CDK17: variants seen among roughly 807,000 people sequenced by gnomAD.
CDK17 encodes cyclin-dependent kinase 17.
A neutral mutation model predicts 77.6 loss-of-function variants in CDK17; 24 were observed. The ratio of observed to expected loss-of-function variants is 0.31; its 90% CI spans 0.22 to 0.44. The LOEUF (loss-of-function observed/expected upper bound fraction) is 0.44. Ranked by LOEUF, CDK17 falls within the 20% of genes least tolerant of loss-of-function variation. The pLI is 1.00. For missense variants in CDK17, 429 were observed against 622.5 expected (o/e 0.69, Z 3.31); for synonymous variants, 203 against 210.4 (o/e 0.96, Z 0.30).
intron 1 of CDK17, among the ~76,000 whole-genome samples, chr12:96,380,535 C>T (rs1261773640): frequency 6.6e-6 from 1 of 151,984 alleles, no homozygotes; most frequent in Admixed American, 6.6e-5. Flanking sequence ...GTGATCCACC[C>T]GCCTCAGCCT....
intron 3 of CDK17, among the ~76,000 whole-genome samples, chr12:96,315,388 T>C (rs1952697165): frequency 1.3e-5 from 2 of 152,184 alleles, no homozygotes; most frequent in African/African-American, 4.8e-5. Flanking sequence ...AATAGCTCAA[T>C]ATGTAATCTA....
chr12:96,368,107 A>C (rs576998389), intron 1 of CDK17, among the ~76,000 whole-genome samples: 18 of 151,520 alleles, frequency 1.2e-4, no homozygotes, highest in Non-Finnish European at 1.9e-4. Flanking sequence ...TTCAATAGGA[A>C]AAAAAAAAGA....
Position 96,297,282 on chromosome 12 carries a change from C to G in CDK17, c.861G>C (p.Met287Ile), listed in dbSNP as rs1373727274. The G allele has an allele frequency of 6.2e-7, 1 of 1,608,678 alleles. No individual in the cohort carries two copies. Among genetic ancestry groups the G allele is most frequent in the Admixed American group, 1.7e-5 (1 of 59,772 alleles). The change falls in exon 9 of 17, where the codon ATG (methionine) becomes ATC (isoleucine). Residue 287 changes from methionine (M) to isoleucine (I), a missense_variant. Physicochemically the swap from Met to Ile is conservative, Grantham distance 10. Around this residue, in one of 4 missense-constraint regions of CDK17, gnomAD observed 262 missense variants for 385.4 expected, o/e 0.68. Transcript: ENST00000261211. ...CAAGAAAACATACCTTTACGTTGTG[C>G]ATACTCATGATGTTTCCACAGTCAT... ...YMDDCGNIMS[M>I]HNVKLFLYQI...
At chr12:96,309,741 C>A (rs1952622479) in intron 5 of CDK17, among the ~76,000 whole-genome samples, 1 of 152,134 alleles carries the variant, frequency 6.6e-6, no homozygotes, top group African/African-American at 2.4e-5. Flanking sequence ...AATAAACACA[C>A]AGAAAGGTGT....
intron 1 of CDK17, among the ~76,000 whole-genome samples, chr12:96,380,395 C>G (rs1953861028): frequency 6.6e-6 from 1 of 151,660 alleles, no homozygotes; most frequent in African/African-American, 2.4e-5. Context: ...AATTCTCTGC[C>G]TCAGCCTCCC....
intron 1 of CDK17, among the ~76,000 whole-genome samples, chr12:96,347,124 C>T (rs149228175): frequency 1.2e-3 from 176 of 152,168 alleles, no homozygotes; most frequent in African/African-American, 4.1e-3. Flanking sequence ...CAATTATAAA[C>T]GTTTACACAC....
chr12:96,392,295 G>C (rs897854174), intron 1 of CDK17, among the ~76,000 whole-genome samples: 1 of 152,146 alleles, frequency 6.6e-6, no homozygotes, highest in Non-Finnish European at 1.5e-5. Context: ...CTTCATCTTT[G>C]TATCCTAGCC....
chr12:96,362,723 C>T (rs1442214784), intron 1 of CDK17, among the ~76,000 whole-genome samples: 1 of 152,024 alleles, frequency 6.6e-6, no homozygotes, highest in African/African-American at 2.4e-5. Context: ...TATCTTTGGC[C>T]CTTGGCTCTA....
chr12:96,365,694 A>G (rs943843747), intron 1 of CDK17, among the ~76,000 whole-genome samples: 1 of 152,204 alleles, frequency 6.6e-6, no homozygotes, highest in Non-Finnish European at 1.5e-5. Context: ...TGTTTGACAA[A>G]TTATTTCCTA....
At position 96,354,367 on chromosome 12, in the gene CDK17, G is replaced by A. The variant is rs990067637; in HGVS notation, c.-29-19502C>T. 3.9e-5 allele frequency among the ~76,000 whole-genome samples: 6 copies of A among 152,186 alleles called. No homozygotes were observed. In the East Asian group the frequency reaches 5.8e-4, roughly 15 times the overall value. ...ACAGATTTCAGCAAGAAAATAGCAC[G>A]TGTATCTCTACTCCTTCAAACTCTG... is the stretch of plus-strand genomic sequence containing the variant. On this transcript the variant is annotated intron_variant, in intron 1 of 16. Transcript: ENST00000261211.
At chr12:96,379,720 C>T (rs185498276) in intron 1 of CDK17, among the ~76,000 whole-genome samples, 27 of 152,246 alleles carry the variant, frequency 1.8e-4, no homozygotes, top group Non-Finnish European at 2.2e-4. Flanking sequence ...CATCAGCCAC[C>T]GTGTCCAGAA....
rs1952600238 is a variant in CDK17 at position 96,308,203 on chromosome 12, T to C, written c.543+2849A>G. On this transcript the variant is annotated intron_variant, in intron 5 of 16. Coordinates refer to ENST00000261211, the MANE Select transcript of CDK17 (RefSeq NM_002595.5). ...TGAGCCCAGGCATTTGAAACCAGCA[T>C]GGGCAACACAGTGAGATGCCATCTC... Among the ~76,000 whole-genome samples the C allele has an allele frequency of 2.4e-5, 3 of 125,138 alleles. No individual in the cohort carries two copies. In the South Asian group the frequency reaches 7.4e-4, roughly 31 times the overall value. 82.1% of individuals were successfully genotyped at this position (125,138 alleles called of 152,430 possible).
chr12:96,390,708 CAAAAAA>C (rs71097285), intron 1 of CDK17, among the ~76,000 whole-genome samples: 1 of 43,534 alleles, frequency 2.3e-5, no homozygotes, highest in African/African-American at 1.1e-4. Flanking sequence ...GACTCCATCT[CAAAAAA>C]AAAAAAAAAA....
At chr12:96,313,514 T>C in intron 3 of CDK17, 60 bp from the exon 4 acceptor site, 1 of 960,324 alleles carries the variant, frequency 1.0e-6, no homozygotes. Flanking sequence ...TAATTTATTA[T>C]CACTATGGGT....
At chr12:96,379,715 G>C (rs750468808) in intron 1 of CDK17, among the ~76,000 whole-genome samples, 3 of 152,148 alleles carry the variant, frequency 2.0e-5, no homozygotes, top group Non-Finnish European at 4.4e-5. Flanking sequence ...ACAGCCATCA[G>C]CCACCGTGTC....
At chr12:96,399,797 G>A (rs944650756) in intron 1 of CDK17, among the ~76,000 whole-genome samples, 189 bp downstream of exon 1, 2 of 151,802 alleles carry the variant, frequency 1.3e-5, no homozygotes, top group African/African-American at 4.8e-5. Flanking sequence ...GGTCCTCGCT[G>A]GACCGGAGAG....
chr12:96,364,227 G>A (rs934905026), intron 1 of CDK17, among the ~76,000 whole-genome samples: 3 of 152,114 alleles, frequency 2.0e-5, no homozygotes, highest in Non-Finnish European at 4.4e-5. Context: ...GAACATTCTT[G>A]TATAATCATT....
chr12:96,377,831 C>T (rs1363989335), intron 1 of CDK17, among the ~76,000 whole-genome samples: 1 of 151,234 alleles, frequency 6.6e-6, no homozygotes. Flanking sequence ...GTAGCTGAGA[C>T]TACAGGCGCC....
rs376755328 is a variant in CDK17, at chr12:96,350,571, G to C, written c.-29-15706C>G. 1.1e-4 allele frequency among the ~76,000 whole-genome samples: 17 copies of C among 152,076 alleles called. No individual in the cohort carries two copies. In the East Asian group the frequency reaches 1.9e-3, roughly 17 times the overall value. On this transcript the variant is annotated intron_variant, in intron 1 of 16. Coordinates refer to ENST00000261211, the MANE Select transcript of CDK17 (RefSeq NM_002595.5). ...GAATAGAATTGAGAACCCAAACACA[G>C]ACTCTCACACCTGATTTTTGACAAA...
Sources: gnomAD v4.1 joint callset for allele counts (sites outside exome capture counted in the v4.1 genomes callset) on GRCh38, gnomAD v4.1.1 for gene constraint, gnomAD v4.1.1 regional missense constraint, MANE v1.5 for transcripts, NCBI Gene and HGNC (gene_info 2026-07-23, HGNC 2026-07-21) for gene names.